The following CABIN1 variants were observed in gnomAD, a reference collection of about 807,000 sequenced individuals.
The protein encoded by CABIN1 is calcineurin binding protein 1, also known as calcineurin-binding protein cabin-1.
CABIN1 carries 133 observed loss-of-function variants against 227.7 expected under a neutral mutation model. The observed-to-expected ratio is 0.58, with a 90% CI of 0.51 to 0.67. CABIN1 has a LOEUF of 0.67. CABIN1 is among the 30% of genes least tolerant of loss of function. CABIN1 has a pLI of 0.00. For synonymous variants in CABIN1, 1,086 were observed against 1,155.1 expected (o/e 0.94, Z 1.21); for missense variants, 2,408 against 2,852.5 (o/e 0.84, Z 3.55).
At chr22:24,064,776 T>C (rs947378360) in intron 15 of CABIN1, among the ~76,000 whole-genome samples, 3 of 152,100 alleles carry the variant, frequency 2.0e-5, no homozygotes, top group Admixed American at 6.5e-5. Context: ...TCACCGCCCT[T>C]AATCCATTTA....
At chr22:24,135,267 GTAATCCCAGC>G (rs1447377210) in intron 29 of CABIN1, among the ~76,000 whole-genome samples, 1 of 137,982 alleles carries the variant, frequency 7.2e-6, no homozygotes, top group African/African-American at 2.7e-5. Flanking sequence ...GCAGGCACCT[GTAATCCCAGC>G]TACTCAGGAA....
chr22:24,142,573 C>G (rs2044834272), intron 29 of CABIN1, among the ~76,000 whole-genome samples: 1 of 152,216 alleles, frequency 6.6e-6, no homozygotes, highest in South Asian at 2.1e-4. Flanking sequence ...ATCCCTCTGG[C>G]TTGTAAGAGA....
rs753831721 is a variant in CABIN1, at chr22:24,151,212, C to T, written c.4747-13188C>T. 1.6e-4 allele frequency among the ~76,000 whole-genome samples: 24 copies of T among 152,156 alleles called. 1 individual carries two copies. Among genetic ancestry groups the T allele is most frequent in the Non-Finnish European group, 3.1e-4 (21 of 68,020 alleles). On this transcript the variant is annotated intron_variant, in intron 29 of 36. Coordinates refer to ENST00000263119, the MANE Select transcript of CABIN1 (RefSeq NM_012295.4). ...CGCTACCTGTTCAGCTTGGCCCCCT[C>T]CCTGCACAAAGGGGGTCTATCTGAC... is the stretch of plus-strand genomic sequence containing the variant.
chr22:24,025,115 G>A (rs971230596), intron 1 of CABIN1, among the ~76,000 whole-genome samples: 2 of 151,812 alleles, frequency 1.3e-5, no homozygotes, highest in Non-Finnish European at 2.9e-5. Context: ...TAATTTTTTT[G>A]TTTAGAATTG....
At chr22:24,096,268 A>G (rs1416048623) in intron 25 of CABIN1, among the ~76,000 whole-genome samples, 186 bp downstream of exon 25, 2 of 152,156 alleles carry the variant, frequency 1.3e-5, no homozygotes, top group Non-Finnish European at 2.9e-5. Flanking sequence ...TGAGTCTGAG[A>G]AGGAGAGGGT....
At chr22:24,155,261 C>T (rs374536951) in intron 29 of CABIN1, among the ~76,000 whole-genome samples, 1 of 152,306 alleles carries the variant, frequency 6.6e-6, no homozygotes, top group Non-Finnish European at 1.5e-5. Flanking sequence ...AGGCCCTCCC[C>T]TCCTGAGCCT....
rs118028227 is a variant in CABIN1, at chr22:24,039,179, C to T, written c.210+718C>T. ...GTTTTCAAGTTTTCATGTTTGTTTT[C>T]GCCCAAACATGCAGATGATGTGCAT... On this transcript the variant is annotated intron_variant, in intron 4 of 36. Transcript: ENST00000263119. Among the ~76,000 whole-genome samples the T allele has an allele frequency of 4.4e-4, 67 of 152,256 alleles. No homozygotes were observed. In the East Asian group the frequency reaches 8.1e-3, roughly 18 times the overall value.
chr22:24,038,413 G>A lies in CABIN1; in HGVS notation c.162G>A (p.Glu54=), dbSNP rs2037094419. Residue 54 remains glutamate (E), a synonymous_variant, in exon 4 of 37, where the codon GAG becomes GAA. Coordinates refer to ENST00000263119, the MANE Select transcript of CABIN1 (RefSeq NM_012295.4). ...LDLQKHDRFE[E]SAKAYHELLE... ...TGCAGAAACATGACCGGTTTGAGGAGTCTGCCAAAGCCTACCATGAGCTCT... is the reference window on the plus strand; with the variant it reads ...TGCAGAAACATGACCGGTTTGAGGAATCTGCCAAAGCCTACCATGAGCTCT... The A allele has an allele frequency of 1.2e-6, 2 of 1,614,156 alleles. No individual in the cohort carries two copies. Among genetic ancestry groups the A allele is most frequent in the Non-Finnish European group, 1.7e-6 (2 of 1,180,026 alleles).
chr22:24,157,478 A>G (rs930850084), intron 29 of CABIN1, among the ~76,000 whole-genome samples: 4 of 152,180 alleles, frequency 2.6e-5, no homozygotes, highest in African/African-American at 9.7e-5. Flanking sequence ...AAAGAGCATG[A>G]TAGGCTTAGT....
intron 29 of CABIN1, among the ~76,000 whole-genome samples, chr22:24,162,968 GTGTC>G (rs1372582221): frequency 6.6e-6 from 1 of 152,226 alleles, no homozygotes; most frequent in Non-Finnish European, 1.5e-5. Flanking sequence ...CCAGGAGACA[GTGTC>G]TGCCCATTCT....
chr22:24,148,922 G>A (rs774846084), intron 29 of CABIN1, among the ~76,000 whole-genome samples: 18 of 152,096 alleles, frequency 1.2e-4, no homozygotes, highest in Non-Finnish European at 2.5e-4. Context: ...TCCTTTCTGG[G>A]GTGGCTTCAG....
chr22:24,078,821 C>T (rs925569778), intron 19 of CABIN1, among the ~76,000 whole-genome samples: 1 of 151,764 alleles, frequency 6.6e-6, no homozygotes, highest in Non-Finnish European at 1.5e-5. Context: ...GCATGCTCTT[C>T]ACTACCCTAC....
intron 28 of CABIN1, among the ~76,000 whole-genome samples, chr22:24,126,315 T>C (rs920069176): frequency 5.3e-5 from 8 of 152,300 alleles, no homozygotes; most frequent in African/African-American, 1.9e-4. Flanking sequence ...GAGGTGTGAT[T>C]GTGACTATTT....
intron 6 of CABIN1, among the ~76,000 whole-genome samples, chr22:24,047,077 A>T (rs1426364732): frequency 6.6e-6 from 1 of 152,162 alleles, no homozygotes; most frequent in Non-Finnish European, 1.5e-5. Context: ...TCATGCAAAG[A>T]CACCCTCACA....
chr22:24,137,143 C>T (rs553764176), intron 29 of CABIN1, among the ~76,000 whole-genome samples: 2 of 152,186 alleles, frequency 1.3e-5, no homozygotes, highest in South Asian at 2.1e-4. Flanking sequence ...AAATAGTTTC[C>T]CTCCCTCCCT....
intron 15 of CABIN1, 134 bp from the exon 16 acceptor site, chr22:24,066,853 A>AT: frequency 3.0e-5 from 24 of 812,280 alleles, no homozygotes; most frequent in Non-Finnish European, 3.9e-5. Context: ...GAGGAATCTA[A>AT]TTTTTTTTGG....
In CABIN1 at chr22:24,168,416, G is replaced by A. The variant is rs139358909; in HGVS notation, c.5683-31G>A. ...GGGGAGGCTAACCACAATGGCCTGC[G>A]CCCCCTGACTTCCAGCATCTCCCTG... is the stretch of plus-strand genomic sequence containing the variant. On this transcript the variant is annotated intron_variant, in intron 32 of 36. Coordinates refer to ENST00000263119, the MANE Select transcript of CABIN1 (RefSeq NM_012295.4). 7.8e-4 allele frequency: 1,220 copies of A among 1,554,750 alleles called. 31 individuals carry two copies. The East Asian group carries it at 0.023, about 29-fold the overall frequency.
At chr22:24,023,504 T>G (rs2035868634) in intron 1 of CABIN1, among the ~76,000 whole-genome samples, 1 of 152,228 alleles carries the variant, frequency 6.6e-6, no homozygotes, top group Non-Finnish European at 1.5e-5. Context: ...CTACCAGCAG[T>G]ACATGAGTGT....
chr22:24,049,992 T>C (rs550343460), intron 7 of CABIN1, among the ~76,000 whole-genome samples: 7 of 152,260 alleles, frequency 4.6e-5, no homozygotes, highest in Non-Finnish European at 8.8e-5. Context: ...TACAAACTTA[T>C]CTGTTTCTCA....
Sources: gnomAD v4.1 joint callset for allele counts (sites outside exome capture counted in the v4.1 genomes callset) on GRCh38, gnomAD v4.1.1 for gene constraint, MANE v1.5 for transcripts, NCBI Gene and HGNC (gene_info 2026-07-23, HGNC 2026-07-21) for gene names.